The following ARSG variants were observed in gnomAD, a reference collection of about 807,000 sequenced individuals.
ARSG encodes the protein ASG.
In ARSG, 37 loss-of-function variants were observed where a neutral mutation model predicts 50.5. The ratio of observed to expected loss-of-function variants is 0.73; its 90% CI spans 0.56 to 0.96. The LOEUF is 0.96. Among genes scored for constraint, ARSG ranks in the 50% least tolerant of loss-of-function variants. The pLI is 0.00. For missense variants in ARSG, 629 were observed against 675.3 expected, an observed-to-expected ratio of 0.93 and a Z score of 0.76; for synonymous variants, 225 against 254.6, an observed-to-expected ratio of 0.88 and a Z score of 1.11.
At chr17:68,310,722 A>C (rs2076819359) in intron 2 of ARSG, among the ~76,000 whole-genome samples, 1 of 152,144 alleles carries the variant, frequency 6.6e-6, no homozygotes, top group African/African-American at 2.4e-5. Context: ...TGCATCCTAG[A>C]GCTTGATGCT....
At chr17:68,347,091 T>C in intron 3 of ARSG, 34 bp from the exon 4 acceptor site, 1 of 1,612,020 alleles carries the variant, frequency 6.2e-7, no homozygotes, top group South Asian at 1.1e-5. Context: ...CCTATGGGGA[T>C]TCCTCTGAAA....
At chr17:68,437,270 T>C in the ARSG span, among the ~76,000 whole-genome samples, 1 of 152,002 alleles carries the variant, frequency 6.6e-6, no homozygotes, top group South Asian at 2.1e-4. Context: ...CTGAGAAATT[T>C]CAGGCCAGGC....
chr17:68,419,159 G>A (rs2082588769), intron 11 of ARSG, among the ~76,000 whole-genome samples: 1 of 152,108 alleles, frequency 6.6e-6, no homozygotes, highest in Non-Finnish European at 1.5e-5. Context: ...AACCCAAAGT[G>A]AAATGACTCA....
intron 4 of ARSG, 90 bp downstream of exon 4, chr17:68,347,262 C>A: frequency 1.4e-6 from 2 of 1,431,002 alleles, no homozygotes; most frequent in East Asian, 4.6e-5. Flanking sequence ...CATCCTGTCT[C>A]TGGGGGCAAC....
At chr17:68,263,395 C>T (rs1162108690) in intron 1 of ARSG, among the ~76,000 whole-genome samples, 2 of 152,222 alleles carry the variant, frequency 1.3e-5, no homozygotes, top group Non-Finnish European at 2.9e-5. Context: ...GCAATGTATA[C>T]TTATAGCAGT....
intron 2 of ARSG, among the ~76,000 whole-genome samples, chr17:68,315,359 T>C (rs1329682076): frequency 6.6e-6 from 1 of 151,946 alleles, no homozygotes; most frequent in Non-Finnish European, 1.5e-5. Context: ...CTGGGCAACA[T>C]AGCAAGACTT....
chr17:68,287,076 C>T (rs907195793), upstream of ARSG, among the ~76,000 whole-genome samples: 6 of 152,204 alleles, frequency 3.9e-5, no homozygotes, highest in Non-Finnish European at 7.4e-5. Context: ...CTCCACCTCC[C>T]GGGTTCAAGT....
the ARSG span, among the ~76,000 whole-genome samples, chr17:68,445,172 G>A: frequency 1.9e-3 from 294 of 152,072 alleles, 3 homozygotes; most frequent in African/African-American, 6.9e-3. Flanking sequence ...TGCCCGCCTC[G>A]GCCTCCCAAA....
chr17:68,323,808 C>T (rs782663478), intron 2 of ARSG, among the ~76,000 whole-genome samples: 14 of 152,176 alleles, frequency 9.2e-5, no homozygotes, highest in Non-Finnish European at 1.6e-4. Context: ...TGCTGTAGCT[C>T]ATGCCTGTAA....
chr17:68,426,252 G>GGGGGGGGGGGGGGGGGGGT, downstream of ARSG: 3 of 828,188 alleles, frequency 3.6e-6, 1 homozygote, highest in Non-Finnish European at 5.7e-6. Flanking sequence ...TGGGGAGCGG[G>GGGGGGGGGGGGGGGGGGGT]GGCTCAAATA....
intron 2 of ARSG, among the ~76,000 whole-genome samples, chr17:68,312,034 A>T (rs1385489014): frequency 2.0e-5 from 3 of 152,070 alleles, no homozygotes; most frequent in African/African-American, 7.2e-5. Context: ...CCCTGACCTC[A>T]AGTGATCCAC....
chr17:68,445,720 A>G, the ARSG span, among the ~76,000 whole-genome samples: 2 of 152,246 alleles, frequency 1.3e-5, no homozygotes, highest in African/African-American at 4.8e-5. Context: ...AATATAACGC[A>G]TAGCCCAGTA....
the ARSG span, among the ~76,000 whole-genome samples, chr17:68,439,567 G>A: frequency 1.3e-5 from 2 of 152,160 alleles, no homozygotes; most frequent in Admixed American, 6.5e-5. Flanking sequence ...ACACAATTCC[G>A]TGAATATACC....
At chr17:68,446,327 TGC>T in the ARSG span, among the ~76,000 whole-genome samples, 1 of 152,142 alleles carries the variant, frequency 6.6e-6, no homozygotes, top group South Asian at 2.1e-4. Flanking sequence ...ACTACAGGTG[TGC>T]GCCACCATGC....
intron 1 of ARSG, among the ~76,000 whole-genome samples, chr17:68,284,067 G>A (rs1048127699): frequency 2.2e-5 from 3 of 138,618 alleles, no homozygotes; most frequent in Admixed American, 7.7e-5. Flanking sequence ...CTCCAGCCTA[G>A]AGTGAGCAAT....
chr17:68,348,695 C>A lies in ARSG; in HGVS notation c.454+1523C>A, dbSNP rs573372981. On this transcript the variant is annotated intron_variant, in intron 4 of 11. Transcript: ENST00000621439. ...GCCTCAGCCTCCCAAGTAGCTGGGA[C>A]TACAGGTGCCCGCCACCATGCCTGG... Among the ~76,000 whole-genome samples, 169 of 152,210 alleles carry A rather than the reference C, an allele frequency of 1.1e-3. 1 individual carries two copies. Among genetic ancestry groups the A allele is most frequent in the African/African-American group, 3.8e-3 (156 of 41,506 alleles).
chr17:68,432,755 T>C, the ARSG span, among the ~76,000 whole-genome samples: 1 of 152,186 alleles, frequency 6.6e-6, no homozygotes, highest in Non-Finnish European at 1.5e-5. Flanking sequence ...CCTGCCTTTC[T>C]CTGCAGGTTG....
chr17:68,396,258 C>G (rs1321957235), intron 10 of ARSG, among the ~76,000 whole-genome samples: 1 of 152,142 alleles, frequency 6.6e-6, no homozygotes, highest in Non-Finnish European at 1.5e-5. Context: ...CTCAAGTGAT[C>G]AGCCCGCCTT....
At chr17:68,283,117 AC>A (rs1166720964) in intron 1 of ARSG, 1 of 151,926 alleles carries the variant, frequency 6.6e-6, no homozygotes, top group East Asian at 1.9e-4. Flanking sequence ...ACAGAGCAAG[AC>A]CCTGTCTAAA....
Sources: gnomAD v4.1 joint callset for allele counts (sites outside exome capture counted in the v4.1 genomes callset) on GRCh38, gnomAD v4.1.1 for gene constraint, MANE v1.5 for transcripts, NCBI Gene and HGNC (gene_info 2026-07-23, HGNC 2026-07-21) for gene names.